CHRM2: variants seen among roughly 807,000 people sequenced by gnomAD.
The protein encoded by CHRM2 is cholinergic receptor muscarinic 2.
A neutral mutation model predicts 25.0 loss-of-function variants in CHRM2; 8 were observed. The ratio of observed to expected loss-of-function variants is 0.32; its 90% CI spans 0.19 to 0.58. The LOEUF is 0.58. CHRM2 is among the 20% of genes least tolerant of loss of function. The pLI is 0.88. For synonymous variants in CHRM2, 202 were observed against 205.7 expected, an observed-to-expected ratio of 0.98 and a Z score of 0.15; for missense variants, 440 against 567.1, an observed-to-expected ratio of 0.78 and a Z score of 2.28.
intron 2 of CHRM2, among the ~76,000 whole-genome samples, chr7:136,900,867 CG>C (rs1797165249): frequency 2.0e-5 from 3 of 151,876 alleles, no homozygotes. Flanking sequence ...GGCATATAGA[CG>C]TCAGCAGGGG....
At chr7:136,891,282 C>T (rs928621185) in intron 2 of CHRM2, among the ~76,000 whole-genome samples, 2 of 152,160 alleles carry the variant, frequency 1.3e-5, no homozygotes, top group African/African-American at 4.8e-5. Context: ...AATTTAGTCG[C>T]CATGTCTCTT....
intron 2 of CHRM2, among the ~76,000 whole-genome samples, chr7:136,981,883 C>T (rs943430076): frequency 5.3e-5 from 8 of 151,958 alleles, no homozygotes; most frequent in African/African-American, 1.9e-4. Context: ...TGGTCAATTT[C>T]AGAATAGGTG....
At chr7:136,948,853 G>A (rs1341457438) in intron 2 of CHRM2, among the ~76,000 whole-genome samples, 1 of 152,090 alleles carries the variant, frequency 6.6e-6, no homozygotes, top group Non-Finnish European at 1.5e-5. Flanking sequence ...GTCTCCTGTT[G>A]ATCATCTGAG....
chr7:136,889,297 C>CT (rs1319494619), intron 2 of CHRM2, among the ~76,000 whole-genome samples: 1 of 151,992 alleles, frequency 6.6e-6, no homozygotes, highest in Non-Finnish European at 1.5e-5. Flanking sequence ...GGAACCACTT[C>CT]TTATGTAAGG....
At chr7:136,974,313 C>G (rs1225828798) in intron 2 of CHRM2, among the ~76,000 whole-genome samples, 1 of 152,092 alleles carries the variant, frequency 6.6e-6, no homozygotes, top group Non-Finnish European at 1.5e-5. Context: ...GGATGCTGTG[C>G]TAAGCAGAGG....
chr7:136,897,169 T>C (rs77158787), intron 2 of CHRM2, among the ~76,000 whole-genome samples: 1,615 of 149,640 alleles, frequency 0.011, 14 homozygotes, highest in Non-Finnish European at 0.016. Flanking sequence ...AGAAGTTAGG[T>C]TTCCAGGGTA....
chr7:136,882,568 A>G (rs1426160868), intron 2 of CHRM2, among the ~76,000 whole-genome samples: 1 of 152,036 alleles, frequency 6.6e-6, no homozygotes, highest in Non-Finnish European at 1.5e-5. Flanking sequence ...CAAGTTTCCT[A>G]CTACCCCAAT....
chr7:136,957,925 A>T (rs1800820189), intron 2 of CHRM2, among the ~76,000 whole-genome samples: 1 of 152,244 alleles, frequency 6.6e-6, no homozygotes, highest in Non-Finnish European at 1.5e-5. Flanking sequence ...GAAATTTGAC[A>T]CTTTATAAAT....
Position 137,015,550 on chromosome 7 carries a change from G to T in CHRM2, c.685G>T (p.Asp229Tyr). 6.2e-7 allele frequency: 1 copy of T among 1,612,896 alleles called. No homozygotes were observed. The highest frequency in any genetic ancestry group is 8.5e-7 in the Non-Finnish European group (1 of 1,179,528). ...CAAGAAGGAGCCTGTTGCCAACCAA[G>T]ACCCCGTTTCTCCAAGTCTGGTACA... ...KDKKEPVANQ[D>Y]PVSPSLVQGR... The change falls in exon 4 of 4, where the codon GAC becomes TAC. Residue 229 changes from aspartate (D) to tyrosine (Y), a missense_variant. Asp to Tyr is a radical substitution (Grantham distance 160, BLOSUM62 -3). This residue lies in a region of CHRM2 where 261 missense variants were observed against 261.8 expected (regional missense o/e 1.00). Coordinates refer to ENST00000680005, the MANE Select transcript of CHRM2 (RefSeq NM_001006630.2). The surrounding 1 kb of genome is among the most constrained non-coding windows in gnomAD (Gnocchi z 5.1).
At chr7:136,909,425 T>C (rs1015049623) in intron 2 of CHRM2, among the ~76,000 whole-genome samples, 1 of 151,946 alleles carries the variant, frequency 6.6e-6, no homozygotes, top group Admixed American at 6.6e-5. Flanking sequence ...GGTTACTTTA[T>C]TTAACCTTCA....
At chr7:136,935,753 G>A (rs17412764) in intron 2 of CHRM2, among the ~76,000 whole-genome samples, 39,689 of 151,984 alleles carry the variant, frequency 0.26, 6,009 homozygotes, top group Non-Finnish European at 0.35. Flanking sequence ...AGGTATTCAT[G>A]GAAGTGTTCC....
chr7:136,930,927 A>AAAAAAAAAAAAAAAAAAAAAAAAAAG (rs1290104978), intron 2 of CHRM2, among the ~76,000 whole-genome samples: 1 of 138,662 alleles, frequency 7.2e-6, no homozygotes, highest in African/African-American at 2.8e-5. Context: ...AAAAAAAAAA[A>AAAAAAAAAAAAAAAAAAAAAAAAAAG]GGATAGAAAG....
chr7:136,916,845 TC>T (rs1300444975), intron 2 of CHRM2, among the ~76,000 whole-genome samples: 1 of 151,752 alleles, frequency 6.6e-6, no homozygotes, highest in Non-Finnish European at 1.5e-5. Context: ...TCTCTCTCTC[TC>T]TCTCTCTCTG....
Position 136,889,394 on chromosome 7 carries a change from A to G in CHRM2, c.-125+19976A>G, listed in dbSNP as rs564251409. ...CATTTACTGCTTTCACATTTTTTTCATCTATTGATCCCTCTACAATCTGGG... is the reference window on the plus strand; with the variant it reads ...CATTTACTGCTTTCACATTTTTTTCGTCTATTGATCCCTCTACAATCTGGG... On this transcript the variant is annotated intron_variant, in intron 2 of 3. Transcript: ENST00000680005. 5.8e-4 allele frequency among the ~76,000 whole-genome samples: 89 copies of G among 152,234 alleles called. 1 individual carries two copies. Among genetic ancestry groups the G allele is most frequent in the Non-Finnish European group, 4.1e-4 (28 of 67,990 alleles).
rs57705639 is a variant in CHRM2 at position 136,930,898 on chromosome 7, C to CAA, written c.-124-61261_-124-61260dup. 2.9e-3 allele frequency among the ~76,000 whole-genome samples: 177 copies of CAA among 61,108 alleles called. 6 individuals are homozygous for CAA. The highest frequency in any genetic ancestry group is 3.9e-3 in the Non-Finnish European group (105 of 26,662). The allele number at this position is 61,108 out of a possible 152,430, so 40.1% of individuals were successfully genotyped here. A position where few individuals can be genotyped will look rare whatever the true frequency, so the allele number is the denominator to read the frequency against. On this transcript the variant is annotated intron_variant, in intron 2 of 3. Transcript: ENST00000680005. ...GGCTACAGAGCCAGACTCATTCTCTCAAAAAAAAAAAAAAAAAAAAAAAAA... is the reference window on the plus strand; with the variant it reads ...GGCTACAGAGCCAGACTCATTCTCTCAAAAAAAAAAAAAAAAAAAAAAAAAAA...
intron 3 of CHRM2, among the ~76,000 whole-genome samples, chr7:137,000,835 T>G (rs1454805600): frequency 1.3e-5 from 2 of 152,116 alleles, no homozygotes; most frequent in Non-Finnish European, 2.9e-5. Flanking sequence ...TGTACTTTAT[T>G]GAGTGATTCA....
At chr7:136,934,256 CTCTCTTGTTCTTCCT>C (rs1799282977) in intron 2 of CHRM2, among the ~76,000 whole-genome samples, 1 of 152,062 alleles carries the variant, frequency 6.6e-6, no homozygotes, top group African/African-American at 2.4e-5. Flanking sequence ...AGATTCTTCC[CTCTCTTGTTCTTCCT>C]TCTCTTGAAC....
chr7:136,960,940 A>G (rs1305750357), intron 2 of CHRM2, among the ~76,000 whole-genome samples: 1 of 152,156 alleles, frequency 6.6e-6, no homozygotes, highest in Non-Finnish European at 1.5e-5. Context: ...AGCCTGGCCA[A>G]CAGGGTGAAA....
chr7:136,948,270 T>C (rs79312920), intron 2 of CHRM2, among the ~76,000 whole-genome samples: 3 of 152,200 alleles, frequency 2.0e-5, no homozygotes, highest in Non-Finnish European at 4.4e-5. Flanking sequence ...GGGCCTATTA[T>C]GGGGTCTTTC....
Sources: allele counts gnomAD v4.1 joint callset (sites outside exome capture counted in the v4.1 genomes callset), GRCh38; gene constraint gnomAD v4.1.1; regional missense constraint gnomAD v4.1.1; non-coding constraint Gnocchi (gnomAD v3.1); transcripts MANE v1.5; gene names NCBI Gene and HGNC (gene_info 2026-07-23, HGNC 2026-07-21).